Variants in ZNF521 observed in about 807,000 individuals in gnomAD.
ZNF521 encodes the protein LYST-interacting protein 3.
In ZNF521, 14 loss-of-function variants were observed where a neutral mutation model predicts 105.5. That is an observed-to-expected ratio of 0.13 (90% confidence interval 0.09 to 0.21). ZNF521 has a LOEUF of 0.21. Among genes scored for constraint, ZNF521 ranks in the 10% least tolerant of loss-of-function variants. The pLI is 1.00. For missense variants in ZNF521, 1,233 were observed against 1,629.7 expected (o/e 0.76, Z 4.19); for synonymous variants, 635 against 606.0 (o/e 1.05, Z -0.70).
intron 2 of ZNF521, among the ~76,000 whole-genome samples, chr18:25,335,040 C>T (rs1336850907): frequency 2.0e-5 from 3 of 152,134 alleles, no homozygotes; most frequent in Non-Finnish European, 4.4e-5. Flanking sequence ...GGCAGCGGGT[C>T]CCTTGTGTCT....
At chr18:25,063,715 C>A (rs1374938227) in intron 7 of ZNF521, among the ~76,000 whole-genome samples, 1 of 152,170 alleles carries the variant, frequency 6.6e-6, no homozygotes. Flanking sequence ...GGTCACAGAT[C>A]TGCAGGATAT....
At chr18:25,228,162 A>T (rs942712909) in intron 3 of ZNF521, among the ~76,000 whole-genome samples, 1 of 152,232 alleles carries the variant, frequency 6.6e-6, no homozygotes, top group Non-Finnish European at 1.5e-5. Flanking sequence ...AATATTTAAT[A>T]AAAAATTCCC....
intron 5 of ZNF521, among the ~76,000 whole-genome samples, chr18:25,102,535 T>C (rs1567962443): frequency 6.6e-6 from 1 of 151,944 alleles, no homozygotes; most frequent in Non-Finnish European, 1.5e-5. Flanking sequence ...TTTATTTTTA[T>C]TTTTTAGAGT....
intron 3 of ZNF521, among the ~76,000 whole-genome samples, chr18:25,283,310 A>C (rs771743195): frequency 6.6e-6 from 1 of 152,160 alleles, no homozygotes; most frequent in Non-Finnish European, 1.5e-5. Flanking sequence ...TCTCCTACTC[A>C]TGAGGATTGC....
At chr18:25,125,814 A>G (rs1171424677) in intron 5 of ZNF521, among the ~76,000 whole-genome samples, 1 of 151,836 alleles carries the variant, frequency 6.6e-6, no homozygotes, top group Non-Finnish European at 1.5e-5. Flanking sequence ...CTTGCTATCC[A>G]GTAGTGGCTG....
chr18:25,214,473 C>T (rs1412102645), intron 4 of ZNF521, among the ~76,000 whole-genome samples: 1 of 151,994 alleles, frequency 6.6e-6, no homozygotes, highest in African/African-American at 2.4e-5. Flanking sequence ...TTCTATTTAT[C>T]TTAAGTTGAT....
At chr18:25,334,764 A>G (rs1451349912) in intron 2 of ZNF521, among the ~76,000 whole-genome samples, 1 of 152,160 alleles carries the variant, frequency 6.6e-6, no homozygotes, top group East Asian at 1.9e-4. Flanking sequence ...ACCCCTAGAG[A>G]CTTTGCAAAC....
chr18:25,228,755 A>G (rs1906341999), intron 3 of ZNF521, among the ~76,000 whole-genome samples: 3 of 152,268 alleles, frequency 2.0e-5, no homozygotes, highest in African/African-American at 7.2e-5. Flanking sequence ...ATGTTACCTT[A>G]TATTAGGTGA....
intron 4 of ZNF521, among the ~76,000 whole-genome samples, chr18:25,212,446 G>A (rs951319355): frequency 1.4e-4 from 18 of 131,788 alleles, no homozygotes; most frequent in Non-Finnish European, 1.9e-4. Flanking sequence ...GTAGGTGGAC[G>A]TTGTGGTGAG....
chr18:25,169,992 A>G (rs1211489095), intron 5 of ZNF521, among the ~76,000 whole-genome samples: 1 of 152,156 alleles, frequency 6.6e-6, no homozygotes, highest in Non-Finnish European at 1.5e-5. Flanking sequence ...TATAATACTG[A>G]TCTAGGGTGT....
intron 7 of ZNF521, among the ~76,000 whole-genome samples, chr18:25,065,528 C>T (rs1029559261): frequency 2.0e-5 from 3 of 152,020 alleles, no homozygotes; most frequent in East Asian, 1.9e-4. Flanking sequence ...ACTCTGAAAT[C>T]GAAGACACTT....
chr18:25,104,462 T>C (rs2034031463), intron 5 of ZNF521, among the ~76,000 whole-genome samples: 1 of 152,212 alleles, frequency 6.6e-6, no homozygotes, highest in African/African-American at 2.4e-5. Context: ...GTTTATTTCC[T>C]TTCTGAAAGC....
chr18:25,210,743 C>T (rs1033228876), intron 4 of ZNF521, among the ~76,000 whole-genome samples: 1 of 152,178 alleles, frequency 6.6e-6, no homozygotes, highest in Non-Finnish European at 1.5e-5. Context: ...CGGGGACCCA[C>T]GGAGGCTACC....
intron 5 of ZNF521, among the ~76,000 whole-genome samples, chr18:25,168,903 A>T (rs1016499359): frequency 3.9e-5 from 6 of 152,144 alleles, no homozygotes; most frequent in Non-Finnish European, 2.9e-5. Context: ...CAGGAGACTC[A>T]GTACACAAAC....
intron 3 of ZNF521, among the ~76,000 whole-genome samples, chr18:25,266,571 C>CT (rs1909264945): frequency 1.3e-5 from 2 of 152,108 alleles, no homozygotes; most frequent in African/African-American, 4.8e-5. Context: ...ATTGGGACTG[C>CT]TTGGACAGTG....
chr18:25,220,553 GC>G (rs1369622480), intron 4 of ZNF521, among the ~76,000 whole-genome samples: 1 of 152,066 alleles, frequency 6.6e-6, no homozygotes, highest in Non-Finnish European at 1.5e-5. Flanking sequence ...CTATTTACCC[GC>G]CCCTGTTTTC....
Position 25,205,023 on chromosome 18 carries a change from T to C in ZNF521, c.3574-9779A>G, listed in dbSNP as rs554320492. On this transcript the variant is annotated intron_variant, in intron 4 of 7. Coordinates refer to ENST00000361524, the MANE Select transcript of ZNF521 (RefSeq NM_015461.3). Reference sequence around the variant, plus strand: ...AAATCCATCACCTTCATTCATAAGGTACTTACCTAAGACTGGTCTATTTCT... The same window carrying C: ...AAATCCATCACCTTCATTCATAAGGCACTTACCTAAGACTGGTCTATTTCT... 2.2e-4 allele frequency among the ~76,000 whole-genome samples: 34 copies of C among 151,996 alleles called. 3 individuals carry two copies. The highest frequency in any genetic ancestry group is 7.2e-4 in the African/African-American group (30 of 41,470).
chr18:25,263,068 C>T (rs1256844927), intron 3 of ZNF521, among the ~76,000 whole-genome samples: 1 of 152,138 alleles, frequency 6.6e-6, no homozygotes, highest in African/African-American at 2.4e-5. Context: ...CCCAATAAAC[C>T]ACTAGTAGTT....
chr18:25,069,232 C>T (rs1330311793), intron 7 of ZNF521, among the ~76,000 whole-genome samples: 4 of 152,038 alleles, frequency 2.6e-5, no homozygotes, highest in African/African-American at 4.8e-5. Flanking sequence ...ACTTCTTATG[C>T]TAGTAAAATA....
Sources: allele counts gnomAD v4.1 joint callset (sites outside exome capture counted in the v4.1 genomes callset), GRCh38; gene constraint gnomAD v4.1.1; transcripts MANE v1.5; gene names NCBI Gene and HGNC (gene_info 2026-07-23, HGNC 2026-07-21).